Variants in LNX2 observed in about 807,000 individuals in gnomAD.
The protein encoded by LNX2 is ligand of numb-protein X 2, also known as ligand of Numb protein X 2.
A neutral mutation model predicts 66.2 loss-of-function variants in LNX2; 35 were observed. The ratio of observed to expected loss-of-function variants is 0.53; its 90% CI spans 0.40 to 0.70. LNX2 has a LOEUF of 0.70. LNX2 is among the 30% of genes least tolerant of loss of function. The pLI is 0.00. For synonymous variants in LNX2, 337 were observed against 315.6 expected, an observed-to-expected ratio of 1.07 and a Z score of -0.72; for missense variants, 791 against 850.8, an observed-to-expected ratio of 0.93 and a Z score of 0.87.
intron 1 of LNX2, among the ~76,000 whole-genome samples, chr13:27,583,504 C>T (rs1433475952): frequency 7.8e-6 from 1 of 128,806 alleles, no homozygotes; most frequent in African/African-American, 3.3e-5. Flanking sequence ...GTGATCCACC[C>T]ACCTTGGCCT....
chr13:27,603,499 A>G (rs1287905757), intron 1 of LNX2, among the ~76,000 whole-genome samples: 3 of 152,226 alleles, frequency 2.0e-5, no homozygotes, highest in African/African-American at 7.2e-5. Flanking sequence ...ATATTTTTCA[A>G]TACAGTAGGC....
intron 6 of LNX2, among the ~76,000 whole-genome samples, chr13:27,557,835 T>C (rs1417657264): frequency 6.6e-6 from 1 of 152,106 alleles, no homozygotes. Flanking sequence ...GGCAATCTCC[T>C]ATCTAAAGGT....
At position 27,581,706 on chromosome 13, in the gene LNX2, T is replaced by G; in HGVS notation, c.-3A>C. The G allele has an allele frequency of 1.9e-6, 3 of 1,592,796 alleles. No individual in the cohort carries two copies. Among genetic ancestry groups the G allele is most frequent in the African/African-American group, 2.7e-5 (2 of 74,622 alleles). On this transcript the variant is annotated 5_prime_UTR_variant, in exon 2 of 10. Transcript: ENST00000316334. The stretch of plus-strand genomic sequence containing the variant: ...ATCTCATCACTTGTTGTTCCCATTT[T>G]GAATCAATTCTGTATCCTCATGTGT...
intron 7 of LNX2, among the ~76,000 whole-genome samples, chr13:27,554,427 C>T (rs929085117): frequency 2.0e-5 from 3 of 151,776 alleles, no homozygotes; most frequent in African/African-American, 7.2e-5. Flanking sequence ...TAAGCAACTA[C>T]TAATCTACTT....
rs1955224332 is a variant in LNX2 at position 27,567,744 on chromosome 13, C to A, written c.751G>T (p.Gly251Cys). The change falls in exon 4 of 10, where the codon GGT becomes TGT. Residue 251 changes from glycine (G) to cysteine (C), a missense_variant. Physicochemically the swap from Gly to Cys is radical, Grantham distance 159. Transcript: ENST00000316334. ...TTAATCAAAGGTGTTTCGTTGCCACCCACAATGCTGATTCCTAACTGAATG... is the reference window on the plus strand; with the variant it reads ...TTAATCAAAGGTGTTTCGTTGCCACACACAATGCTGATTCCTAACTGAATG... ...PYIQLGISIV[G>C]GNETPLINIV... 1 of 1,613,690 alleles carries A rather than the reference C, an allele frequency of 6.2e-7. No individual in the cohort carries two copies. The highest frequency in any genetic ancestry group is 1.3e-5 in the African/African-American group (1 of 74,860).
At chr13:27,586,304 A>C (rs1182676304) in intron 1 of LNX2, among the ~76,000 whole-genome samples, 1 of 152,176 alleles carries the variant, frequency 6.6e-6, no homozygotes, top group Non-Finnish European at 1.5e-5. Flanking sequence ...TTCTGGCTTT[A>C]AAATAACATG....
chr13:27,619,500 G>A (rs967603063), intron 1 of LNX2, among the ~76,000 whole-genome samples: 3 of 152,204 alleles, frequency 2.0e-5, no homozygotes, highest in African/African-American at 7.2e-5. Flanking sequence ...AATTCTTAAA[G>A]GCAGTTCCAA....
intron 1 of LNX2, among the ~76,000 whole-genome samples, chr13:27,593,165 T>C (rs565150298): frequency 8.2e-4 from 125 of 152,278 alleles, no homozygotes; most frequent in African/African-American, 2.9e-3. Flanking sequence ...GCCATATCTC[T>C]CCCTCTCCTT....
Position 27,564,401 on chromosome 13 carries a change from C to T in LNX2, c.856-1620G>A, listed in dbSNP as rs548620770. 3.9e-3 allele frequency among the ~76,000 whole-genome samples: 592 copies of T among 151,962 alleles called. 2 individuals are homozygous for T. Among genetic ancestry groups the T allele is most frequent in the Non-Finnish European group, 7.1e-3 (485 of 67,986 alleles). The stretch of plus-strand genomic sequence containing the variant: ...TCAATCAACAGCTGTAATTATTTTC[C>T]TTCAGAACTGAAAATGCCATTATTG... On this transcript the variant is annotated intron_variant, in intron 4 of 9. Transcript: ENST00000316334.
chr13:27,573,188 C>T (rs1435929681), intron 2 of LNX2, among the ~76,000 whole-genome samples: 2 of 152,094 alleles, frequency 1.3e-5, no homozygotes, highest in Non-Finnish European at 2.9e-5. Context: ...AAGCAACAGC[C>T]CACATCACAG....
chr13:27,556,555 C>CA (rs1259035367), intron 6 of LNX2, 142 bp from the exon 7 acceptor site: 3 of 733,192 alleles, frequency 4.1e-6, no homozygotes, highest in East Asian at 2.7e-5. Flanking sequence ...GAAAGTAATA[C>CA]ACAGTTCTTA....
At chr13:27,587,478 C>G (rs1326843391) in intron 1 of LNX2, among the ~76,000 whole-genome samples, 1 of 151,966 alleles carries the variant, frequency 6.6e-6, no homozygotes, top group Non-Finnish European at 1.5e-5. Flanking sequence ...ATACATGATC[C>G]TGAAATGCAA....
chr13:27,599,379 C>G (rs1235852576), intron 1 of LNX2, among the ~76,000 whole-genome samples: 1 of 152,186 alleles, frequency 6.6e-6, no homozygotes, highest in Non-Finnish European at 1.5e-5. Flanking sequence ...AGGCCACTCA[C>G]CACTACTTTG....
At chr13:27,613,446 G>T (rs1317454390) in intron 1 of LNX2, among the ~76,000 whole-genome samples, 14 of 152,126 alleles carry the variant, frequency 9.2e-5, no homozygotes, top group Admixed American at 9.2e-4. Flanking sequence ...AAAATTTAGG[G>T]AAACGACAAG....
intron 1 of LNX2, among the ~76,000 whole-genome samples, chr13:27,599,861 T>C (rs1171274912): frequency 6.6e-6 from 1 of 152,176 alleles, no homozygotes; most frequent in Non-Finnish European, 1.5e-5. Flanking sequence ...TGGGTCTTGG[T>C]TAACAATGGC....
chr13:27,581,694 TTG>T lies in LNX2; in HGVS notation c.8_9del (p.Thr3AsnfsTer3). On this transcript the variant is annotated frameshift_variant, in exon 2 of 10. Transcript: ENST00000316334. LOFTEE classifies it high-confidence loss of function. Reference protein sequence around the residue: MGTTSDEMVSVEQ... With the variant: MGXTSDEMVSVEQ... ...TCCACAGACACCATCTCATCACTTG[TTG>T]TTCCCATTTTGAATCAATTCTGTAT... The T allele has an allele frequency of 6.3e-7, 1 of 1,597,256 alleles. No homozygotes were observed. The highest frequency in any genetic ancestry group is 8.5e-7 in the Non-Finnish European group (1 of 1,171,900).
chr13:27,568,233 G>C (rs1955230248), intron 3 of LNX2, among the ~76,000 whole-genome samples: 1 of 152,222 alleles, frequency 6.6e-6, no homozygotes, highest in African/African-American at 2.4e-5. Context: ...GGTGTTGAGA[G>C]AGTAGCCACA....
chr13:27,552,668 A>G (rs1955019609), intron 8 of LNX2, among the ~76,000 whole-genome samples: 1 of 152,218 alleles, frequency 6.6e-6, no homozygotes, highest in South Asian at 2.1e-4. Flanking sequence ...CTGACCAACC[A>G]CAGCATATCT....
At chr13:27,617,452 T>C (rs1399561403) in intron 1 of LNX2, among the ~76,000 whole-genome samples, 1 of 152,256 alleles carries the variant, frequency 6.6e-6, no homozygotes, top group Non-Finnish European at 1.5e-5. Context: ...TTCCTCATAA[T>C]ACAATTTAAA....
Sources: allele counts gnomAD v4.1 joint callset (sites outside exome capture counted in the v4.1 genomes callset), GRCh38; gene constraint gnomAD v4.1.1; transcripts MANE v1.5; gene names NCBI Gene and HGNC (gene_info 2026-07-23, HGNC 2026-07-21).